Variants in SERPING1 observed in about 807,000 individuals in gnomAD.
SERPING1 encodes serpin family G member 1.
A neutral mutation model predicts 34.1 loss-of-function variants in SERPING1; 5 were observed. The ratio of observed to expected loss-of-function variants is 0.15; its 90% CI spans 0.08 to 0.31. The LOEUF (loss-of-function observed/expected upper bound fraction) is 0.31, where lower values mean the gene tolerates loss of function less well. Ranked by LOEUF, SERPING1 falls within the 10% of genes least tolerant of loss-of-function variation. The pLI is 1.00. For synonymous variants in SERPING1, 225 were observed against 242.4 expected (o/e 0.93, Z 0.67); for missense variants, 505 against 609.5 (o/e 0.83, Z 1.81).
At chr11:57,613,579 G>C (rs1227244949) in intron 7 of SERPING1, among the ~76,000 whole-genome samples, 3 of 152,200 alleles carry the variant, frequency 2.0e-5, no homozygotes, top group Non-Finnish European at 4.4e-5. Flanking sequence ...GAAGGGTCCT[G>C]GGCCCAGCAG....
chr11:57,604,826 C>T (rs1945390744), intron 4 of SERPING1, among the ~76,000 whole-genome samples: 1 of 151,802 alleles, frequency 6.6e-6, no homozygotes, highest in South Asian at 2.1e-4. Flanking sequence ...GCAACATAGA[C>T]AGACCTCATC....
intron 6 of SERPING1, among the ~76,000 whole-genome samples, chr11:57,609,976 C>T (rs966733824): frequency 9.2e-5 from 14 of 152,180 alleles, no homozygotes; most frequent in Non-Finnish European, 1.8e-4. Flanking sequence ...GTCGTAATTA[C>T]GACTGTGCTT....
At position 57,600,247 on chromosome 11, in the gene SERPING1, C is replaced by G. The variant is rs1304088976; in HGVS notation, c.420C>G (p.Ala140=). 2 of 1,613,996 alleles carry G rather than the reference C, an allele frequency of 1.2e-6. No homozygotes were observed. The highest frequency in any genetic ancestry group is 8.5e-7 in the Non-Finnish European group (1 of 1,180,030). ...CSDLESHSTE[A]VLGDALVDFS... ...ACTTGGAGAGTCATTCAACAGAGGC[C>G]GTGTTGGGGGATGCTTTGGTAGATT... Residue 140 remains alanine (A), a synonymous_variant, in exon 3 of 8, where the codon GCC becomes GCG. Coordinates refer to ENST00000278407, the MANE Select transcript of SERPING1 (RefSeq NM_000062.3).
chr11:57,606,390 C>T lies in SERPING1; in HGVS notation c.890-18C>T, dbSNP rs550179019. 1.9e-6 allele frequency: 3 copies of T among 1,614,138 alleles called. No individual in the cohort carries two copies. The South Asian group carries it at 3.3e-5, about 18-fold the overall frequency. ...TTCCTACCTGCATTAGAGCAACCCTCCCACCTCTTCCCTCTAGCCAAGTGG... is the reference window on the plus strand; with the variant it reads ...TTCCTACCTGCATTAGAGCAACCCTTCCACCTCTTCCCTCTAGCCAAGTGG... On this transcript the variant is annotated intron_variant, in intron 5 of 7. Coordinates refer to ENST00000278407, the MANE Select transcript of SERPING1 (RefSeq NM_000062.3).
chr11:57,602,378 G>A (rs1362560051), intron 4 of SERPING1, among the ~76,000 whole-genome samples: 1 of 152,212 alleles, frequency 6.6e-6, no homozygotes, highest in Non-Finnish European at 1.5e-5. Context: ...ACAAGTCTCT[G>A]GCATTCATCA....
chr11:57,611,381 C>A (rs1005314445), intron 6 of SERPING1: 7 of 397,356 alleles, frequency 1.8e-5, no homozygotes, highest in Non-Finnish European at 2.9e-5. Flanking sequence ...AATGTGCATG[C>A]TATATACTAT....
intron 4 of SERPING1, among the ~76,000 whole-genome samples, chr11:57,604,964 G>C (rs1276287729): frequency 6.6e-6 from 1 of 151,456 alleles, no homozygotes; most frequent in Non-Finnish European, 1.5e-5. Flanking sequence ...TTATGCCTCT[G>C]TACTCTAGGT....
At chr11:57,609,820 C>T (rs1197917256) in intron 6 of SERPING1, among the ~76,000 whole-genome samples, 2 of 152,126 alleles carry the variant, frequency 1.3e-5, no homozygotes, top group African/African-American at 4.8e-5. Flanking sequence ...GTCTGGAGTA[C>T]AGTGACACAA....
intron 4 of SERPING1, among the ~76,000 whole-genome samples, chr11:57,603,749 G>A (rs1945376528): frequency 6.7e-6 from 1 of 149,204 alleles, no homozygotes; most frequent in Non-Finnish European, 1.5e-5. Flanking sequence ...TGAGGCAGGA[G>A]AATGGCATGA....
Position 57,606,086 on chromosome 11 carries a change from C to T in SERPING1, c.762C>T (p.Asn254=), listed in dbSNP as rs1384131339. ...GCAGCCCCAGAGTCCTAAGCAACAACAGTGACGCCAACTTGGAGCTCATCA... is the reference window on the plus strand; with the variant it reads ...GCAGCCCCAGAGTCCTAAGCAACAATAGTGACGCCAACTTGGAGCTCATCA... ...YSSSPRVLSN[N]SDANLELINT... is the part of the protein sequence containing the mutation. Residue 254 remains asparagine (N), a synonymous_variant, in exon 5 of 8, where the codon AAC becomes AAT. Coordinates refer to ENST00000278407, the MANE Select transcript of SERPING1 (RefSeq NM_000062.3). 15 of 1,614,160 alleles carry T rather than the reference C, an allele frequency of 9.3e-6. No individual in the cohort carries two copies. Among genetic ancestry groups the T allele is most frequent in the Middle Eastern group, 1.6e-4 (1 of 6,062 alleles).
chr11:57,610,524 G>C (rs987999267), intron 6 of SERPING1, among the ~76,000 whole-genome samples: 1 of 152,180 alleles, frequency 6.6e-6, no homozygotes, highest in Non-Finnish European at 1.5e-5. Flanking sequence ...TTCAGGTTCC[G>C]ACAATTGATT....
intron 4 of SERPING1, among the ~76,000 whole-genome samples, chr11:57,603,173 G>T (rs1025820062): frequency 2.7e-5 from 4 of 149,626 alleles, no homozygotes; most frequent in Non-Finnish European, 4.4e-5. Context: ...AGTGAAGGTT[G>T]CAGTGAGCTG....
In SERPING1 at chr11:57,602,138, C is replaced by A; in HGVS notation, c.654C>A (p.Val218=). ...TGAAGGGCTTCACGACCAAAGGTGT[C>A]ACCTCAGTCTCTCAGATCTTCCACA... ...QALKGFTTKG[V]TSVSQIFHSP... is the part of the protein sequence containing the mutation. The change falls in exon 4 of 8, where the codon GTC becomes GTA. Residue 218 remains valine, a synonymous_variant. Transcript: ENST00000278407. 1 of 1,614,200 alleles carries A rather than the reference C, an allele frequency of 6.2e-7. No homozygotes were observed. The highest frequency in any genetic ancestry group is 1.1e-5 in the South Asian group (1 of 91,090).
intron 6 of SERPING1, 181 bp downstream of exon 6, chr11:57,606,728 A>G: frequency 1.3e-6 from 1 of 766,874 alleles, no homozygotes; most frequent in Non-Finnish European, 2.3e-6. Context: ...CAAGGCAGAC[A>G]TTGTATATTT....
intron 7 of SERPING1, among the ~76,000 whole-genome samples, chr11:57,612,889 C>T (rs1368672691): frequency 6.6e-6 from 1 of 152,052 alleles, no homozygotes; most frequent in Non-Finnish European, 1.5e-5. Flanking sequence ...GGATTACAGG[C>T]ACCTACCACC....
In SERPING1 at chr11:57,611,734, C is replaced by T. The variant is rs1945478029; in HGVS notation, c.1047C>T (p.Leu349=). 1 of 1,614,062 alleles carries T rather than the reference C, an allele frequency of 6.2e-7. No individual in the cohort carries two copies. Among genetic ancestry groups the T allele is most frequent in the Non-Finnish European group, 8.5e-7 (1 of 1,179,916 alleles). Residue 349 remains leucine (L), a synonymous_variant, in exon 7 of 8, where the codon CTC becomes CTT. Coordinates refer to ENST00000278407, the MANE Select transcript of SERPING1 (RefSeq NM_000062.3). ...TTTTCTAGGTGGGGCAGCTGCAGCTCTCCCACAATCTGAGTTTGGTGATCC... is the reference window on the plus strand; with the variant it reads ...TTTTCTAGGTGGGGCAGCTGCAGCTTTCCCACAATCTGAGTTTGGTGATCC... The part of the protein sequence containing the change: ...TLKAKVGQLQ[L]SHNLSLVILV...
At chr11:57,599,673 A>G (rs1279662079) in intron 2 of SERPING1, among the ~76,000 whole-genome samples, 2 of 152,134 alleles carry the variant, frequency 1.3e-5, no homozygotes, top group Non-Finnish European at 2.9e-5. Context: ...ATTCCTGTGC[A>G]CCCCCACCCT....
At chr11:57,603,263 G>T (rs969474113) in intron 4 of SERPING1, among the ~76,000 whole-genome samples, 4 of 151,572 alleles carry the variant, frequency 2.6e-5, no homozygotes, top group African/African-American at 9.7e-5. Context: ...AAGAAAAAAG[G>T]CCAGGCGCGG....
intron 6 of SERPING1, 170 bp downstream of exon 6, chr11:57,606,717 C>A: frequency 1.3e-6 from 1 of 793,836 alleles, no homozygotes; most frequent in Non-Finnish European, 2.2e-6. Context: ...CTAGCCTTGG[C>A]CAAGGCAGAC....
Sources: gnomAD v4.1 joint callset for allele counts (sites outside exome capture counted in the v4.1 genomes callset) on GRCh38, gnomAD v4.1.1 for gene constraint, MANE v1.5 for transcripts, NCBI Gene and HGNC (gene_info 2026-07-23, HGNC 2026-07-21) for gene names.